CDC34: variants seen among roughly 807,000 people sequenced by gnomAD.
CDC34 encodes cell division cycle 34, ubiquitin conjugating enzyme, also known as ubiquitin-conjugating enzyme E2 R1.
In CDC34, 18 loss-of-function variants were observed where a neutral mutation model predicts 26.8. The observed-to-expected ratio is 0.67, with a 90% CI of 0.47 to 1.00. CDC34 has a LOEUF of 1.00. CDC34 is among the 50% of genes least tolerant of loss of function. The pLI is 0.00. For synonymous variants in CDC34, 178 were observed against 147.5 expected, an observed-to-expected ratio of 1.21 and a Z score of -1.50; for missense variants, 280 against 334.5, an observed-to-expected ratio of 0.84 and a Z score of 1.27.
In CDC34 at chr19:531,813, A is replaced by T. The variant is rs1979497861; in HGVS notation, c.-119A>T. On this transcript the variant is annotated 5_prime_UTR_variant, in exon 1 of 5. Coordinates refer to ENST00000215574, the MANE Select transcript of CDC34 (RefSeq NM_004359.2). ...GGCGGCGGCGGCGGCGCAGAGGAGG[A>T]GGCAGGCGGCGGCCCCGGTGGCTCC... The T allele has an allele frequency of 5.1e-6, 2 of 388,442 alleles. No individual in the cohort carries two copies. Among genetic ancestry groups the T allele is most frequent in the African/African-American group, 2.2e-5 (1 of 45,420 alleles). 24.1% of individuals were successfully genotyped at this position (388,442 alleles called of 1,614,324 possible). A position where few individuals can be genotyped will look rare whatever the true frequency, so the allele number is the denominator to read the frequency against.
intron 1 of CDC34, among the ~76,000 whole-genome samples, chr19:532,833 C>G (rs1236277031): frequency 6.6e-6 from 1 of 152,188 alleles, no homozygotes; most frequent in Non-Finnish European, 1.5e-5. Context: ...CTCCCTGCAG[C>G]TCTCTCCAGG....
chr19:535,721 C>T (rs1484027717), intron 1 of CDC34, 116 bp from the exon 2 acceptor site: 3 of 808,280 alleles, frequency 3.7e-6, no homozygotes, highest in Non-Finnish European at 6.4e-6. Context: ...ATACGGTGTC[C>T]CTCACACACA....
chr19:535,796 G>A, intron 1 of CDC34, 41 bp from the exon 2 acceptor site: 1 of 1,517,834 alleles, frequency 6.6e-7, no homozygotes. Context: ...GCAGGTCTTG[G>A]GGCTGGGCTG....
chr19:536,787 G>C, intron 3 of CDC34: 1 of 585,680 alleles, frequency 1.7e-6, no homozygotes, highest in Non-Finnish European at 3.0e-6. Flanking sequence ...TCTGACGGAG[G>C]GGTCTGCACC....
At chr19:533,095 G>A (rs891997511) in intron 1 of CDC34, among the ~76,000 whole-genome samples, 3 of 152,226 alleles carry the variant, frequency 2.0e-5, no homozygotes, top group Admixed American at 6.5e-5. Context: ...AACCAGGGCA[G>A]TTTTCTTGAT....
intron 1 of CDC34, among the ~76,000 whole-genome samples, chr19:533,795 G>C (rs975353098): frequency 2.6e-5 from 4 of 152,234 alleles, no homozygotes; most frequent in African/African-American, 9.7e-5. Flanking sequence ...GTCCTCAGAA[G>C]CCAGTGTTGA....
At chr19:534,354 C>G (rs530962958) in intron 1 of CDC34, among the ~76,000 whole-genome samples, 1 of 149,406 alleles carries the variant, frequency 6.7e-6, no homozygotes, top group African/African-American at 2.5e-5. Context: ...CGTCCACGAT[C>G]CAAGACCCCC....
rs368677686 is a variant in CDC34, at chr19:535,908, C to T, written c.249C>T (p.His83=). The T allele has an allele frequency of 7.4e-6, 12 of 1,613,570 alleles. No individual in the cohort carries two copies. Among genetic ancestry groups the T allele is most frequent in the East Asian group, 4.5e-5 (2 of 44,876 alleles). Residue 83 remains histidine, a synonymous_variant, in exon 2 of 5, where the codon CAC becomes CAT. Coordinates refer to ENST00000215574, the MANE Select transcript of CDC34 (RefSeq NM_004359.2). ...PAFRFLTKMW[H]PNIYETGDVC... ...TTCGGTTCCTGACCAAGATGTGGCA[C>T]CCTAACATCTACGAGGTGAGCGCGG... is the stretch of plus-strand genomic sequence containing the variant.
At position 537,055 on chromosome 19, in the gene CDC34, C is replaced by T. The variant is rs1979788697; in HGVS notation, c.405C>T (p.Asn135=). 1 of 1,613,830 alleles carries T rather than the reference C, an allele frequency of 6.2e-7. No homozygotes were observed. The highest frequency in any genetic ancestry group is 1.1e-5 in the South Asian group (1 of 91,096). Residue 135 remains asparagine, a synonymous_variant, in exon 4 of 5, where the codon AAC becomes AAT. Transcript: ENST00000215574. The part of the protein sequence containing the change: ...LSVISLLNEP[N]TFSPANVDAS... ...TGATCTCCCTCCTGAACGAGCCCAA[C>T]ACCTTCTCGCCCGCAAACGTGGACG... is the stretch of plus-strand genomic sequence containing the variant.
intron 4 of CDC34, among the ~76,000 whole-genome samples, chr19:538,486 G>A (rs1358423178): frequency 6.6e-6 from 1 of 151,964 alleles, no homozygotes; most frequent in Non-Finnish European, 1.5e-5. Flanking sequence ...ACGGGTTGAC[G>A]GCCTTAATGG....
At chr19:541,100 G>A in intron 4 of CDC34, 1 of 493,696 alleles carries the variant, frequency 2.0e-6, no homozygotes, top group Non-Finnish European at 3.6e-6. Flanking sequence ...GCAGGCGGGT[G>A]TGACTGCACT....
intron 3 of CDC34, 194 bp from the exon 4 acceptor site, chr19:536,819 G>T: frequency 3.2e-6 from 2 of 626,224 alleles, no homozygotes; most frequent in South Asian, 3.8e-5. Flanking sequence ...CCTGGTCTTG[G>T]CGTGGGAGGG....
intron 4 of CDC34, chr19:541,119 C>G: frequency 1.8e-6 from 1 of 569,104 alleles, no homozygotes; most frequent in Non-Finnish European, 3.0e-6. Flanking sequence ...CTGCGCCCGT[C>G]CAGCCTCCCA....
chr19:541,102 G>A (rs1306329734), intron 4 of CDC34: 1 of 508,350 alleles, frequency 2.0e-6, no homozygotes, highest in African/African-American at 1.9e-5. Flanking sequence ...AGGCGGGTGT[G>A]ACTGCACTGC....
intron 4 of CDC34, chr19:538,916 G>A (rs762039284): frequency 9.1e-6 from 9 of 985,106 alleles, no homozygotes; most frequent in South Asian, 4.7e-5. Context: ...CGGTCCGGTC[G>A]TGTCACCTGG....
intron 4 of CDC34, among the ~76,000 whole-genome samples, chr19:539,258 C>A (rs985618808): frequency 1.3e-5 from 2 of 152,084 alleles, no homozygotes; most frequent in Non-Finnish European, 2.9e-5. Context: ...CCGGCGGCAC[C>A]TCCACGGTGC....
chr19:535,169 AGATCT>A (rs1979681509), intron 1 of CDC34, among the ~76,000 whole-genome samples: 4 of 152,216 alleles, frequency 2.6e-5, no homozygotes, highest in Admixed American at 6.5e-5. Flanking sequence ...CCTTGCCAGC[AGATCT>A]GGACCTCCAG....
In CDC34 at chr19:542,009, A is replaced by T. The variant is rs7529; in HGVS notation, c.*457A>T. ...CAGGTCCTGGAGCCACGTCCAGCACAGAGTGGACGGATTCACCGTGGCCGA... is the reference window on the plus strand; with the variant it reads ...CAGGTCCTGGAGCCACGTCCAGCACTGAGTGGACGGATTCACCGTGGCCGA... On this transcript the variant is annotated 3_prime_UTR_variant, in exon 5 of 5. Coordinates refer to ENST00000215574, the MANE Select transcript of CDC34 (RefSeq NM_004359.2). 11,859 of 155,272 alleles carry T rather than the reference A, an allele frequency of 0.076. 533 individuals are homozygous for T. Among genetic ancestry groups the T allele is most frequent in the South Asian group, 0.19 (910 of 4,904 alleles). The allele number at this position is 155,272 out of a possible 1,614,324, so 9.6% of individuals were successfully genotyped here.
intron 1 of CDC34, 64 bp from the exon 2 acceptor site, chr19:535,773 C>G (rs1269358958): frequency 1.5e-6 from 2 of 1,315,246 alleles, no homozygotes; most frequent in East Asian, 2.3e-5. Context: ...CCTTGGGCAC[C>G]TTGTGAGCTG....
Sources: allele counts gnomAD v4.1 joint callset (sites outside exome capture counted in the v4.1 genomes callset), GRCh38; gene constraint gnomAD v4.1.1; transcripts MANE v1.5; gene names NCBI Gene and HGNC (gene_info 2026-07-23, HGNC 2026-07-21).